Variants in PPP1R12B observed in about 807,000 individuals in gnomAD.
PPP1R12B encodes myosin phosphatase target subunit 2.
A neutral mutation model predicts 126.1 loss-of-function variants in PPP1R12B; 76 were observed. The observed-to-expected ratio is 0.60, with a 90% CI of 0.50 to 0.73. The LOEUF is 0.73. Ranked by LOEUF, PPP1R12B falls within the 30% of genes least tolerant of loss-of-function variation. PPP1R12B has a pLI of 0.00. For synonymous variants in PPP1R12B, 356 were observed against 434.7 expected (o/e 0.82, Z 2.25); for missense variants, 1,052 against 1,205.1 (o/e 0.87, Z 1.88).
intron 23 of PPP1R12B, among the ~76,000 whole-genome samples, chr1:202,574,167 CA>C (rs11320060): frequency 0.61 from 75,281 of 122,472 alleles, 20,358 homozygotes; most frequent in East Asian, 0.74. Flanking sequence ...ACATGCCCCA[CA>C]AAAAAAAAAA....
At chr1:202,408,847 T>C (rs1454948282) in intron 1 of PPP1R12B, among the ~76,000 whole-genome samples, 16 of 145,600 alleles carry the variant, frequency 1.1e-4, no homozygotes, top group South Asian at 4.4e-4. Context: ...TTCTTTCTTT[T>C]TTTTTTTTTT....
At chr1:202,510,551 G>A (rs562801298) in intron 18 of PPP1R12B, among the ~76,000 whole-genome samples, 1 of 152,260 alleles carries the variant, frequency 6.6e-6, no homozygotes, top group African/African-American at 2.4e-5. Context: ...GCACACTAAA[G>A]AAGCTTAGAG....
rs1269845933 is a variant in PPP1R12B at position 202,520,134 on chromosome 1, A to G, written c.2490+23312A>G. On this transcript the variant is annotated intron_variant, in intron 18 of 23. Transcript: ENST00000608999. The stretch of plus-strand genomic sequence containing the variant: ...GGAGGACTCAGCCTACTTATAAAGT[A>G]CCAAACTGTTAAGGTCACAGAAAAT... Among the ~76,000 whole-genome samples, 5 of 152,374 alleles carry G rather than the reference A, an allele frequency of 3.3e-5. No homozygotes were observed. In the East Asian group the frequency reaches 9.6e-4, roughly 29 times the overall value.
At position 202,581,913 on chromosome 1, in the gene PPP1R12B, C is replaced by T. The variant is rs1014400018; in HGVS notation, c.*1353C>T. 3 of 152,178 alleles carry T rather than the reference C, an allele frequency of 2.0e-5. No individual in the cohort carries two copies. Among genetic ancestry groups the T allele is most frequent in the African/African-American group, 7.2e-5 (3 of 41,436 alleles). 9.4% of individuals were successfully genotyped at this position (152,178 alleles called of 1,614,324 possible). A position where few individuals can be genotyped will look rare whatever the true frequency, so the allele number is the denominator to read the frequency against. ...GTCATGGAAGTTTAGAGTGGCAAGA[C>T]CCAGAGGTCATTAGGTCCAGCTTTC... On this transcript the variant is annotated 3_prime_UTR_variant, in exon 24 of 24. Transcript: ENST00000608999.
intron 14 of PPP1R12B, among the ~76,000 whole-genome samples, chr1:202,492,449 G>A (rs1333240793): frequency 6.6e-6 from 1 of 152,174 alleles, no homozygotes; most frequent in East Asian, 1.9e-4. Flanking sequence ...AACTACTTGA[G>A]TTGGAATCAG....
chr1:202,409,692 T>A (rs965936495), intron 1 of PPP1R12B, among the ~76,000 whole-genome samples: 2 of 152,104 alleles, frequency 1.3e-5, no homozygotes, highest in African/African-American at 2.4e-5. Flanking sequence ...TAGAGATGGG[T>A]CTTGTGTGTT....
chr1:202,501,448 A>G (rs935582634), intron 18 of PPP1R12B, among the ~76,000 whole-genome samples: 7 of 152,172 alleles, frequency 4.6e-5, no homozygotes, highest in Non-Finnish European at 8.8e-5. Context: ...TTCCAAGCCA[A>G]TCCTGTTGTA....
At chr1:202,416,697 C>T (rs944342951) in intron 1 of PPP1R12B, 90 bp from the exon 2 acceptor site, 28 of 1,138,176 alleles carry the variant, frequency 2.5e-5, no homozygotes, top group Middle Eastern at 4.0e-4. Flanking sequence ...ATTAGAACTG[C>T]TGGGCATTGT....
intron 3 of PPP1R12B, among the ~76,000 whole-genome samples, chr1:202,424,601 G>T (rs1398678196): frequency 6.6e-6 from 1 of 152,152 alleles, no homozygotes; most frequent in Admixed American, 6.5e-5. Context: ...GGGATTACAG[G>T]CATGAGACAC....
At chr1:202,510,114 A>G (rs1339231720) in intron 18 of PPP1R12B, among the ~76,000 whole-genome samples, 1 of 152,236 alleles carries the variant, frequency 6.6e-6, no homozygotes, top group African/African-American at 2.4e-5. Flanking sequence ...CTCTTAGATC[A>G]CTGGTGACCT....
At chr1:202,528,396 G>A (rs1683579618) in intron 18 of PPP1R12B, among the ~76,000 whole-genome samples, 1 of 152,180 alleles carries the variant, frequency 6.6e-6, no homozygotes, top group Non-Finnish European at 1.5e-5. Flanking sequence ...TCATCATGGA[G>A]CTTAGTTGTT....
intron 18 of PPP1R12B, among the ~76,000 whole-genome samples, chr1:202,520,897 G>A (rs1035979610): frequency 1.3e-5 from 2 of 152,148 alleles, no homozygotes; most frequent in African/African-American, 4.8e-5. Flanking sequence ...CACTATGATG[G>A]CAGGGGATCG....
At chr1:202,375,175 C>G (rs1355899164) in intron 1 of PPP1R12B, among the ~76,000 whole-genome samples, 1 of 152,008 alleles carries the variant, frequency 6.6e-6, no homozygotes, top group Non-Finnish European at 1.5e-5. Flanking sequence ...AACTCCTGAC[C>G]TCAAGTGATC....
chr1:202,449,675 C>T (rs1672693371), intron 13 of PPP1R12B, among the ~76,000 whole-genome samples: 2 of 151,556 alleles, frequency 1.3e-5, no homozygotes, highest in Non-Finnish European at 2.9e-5. Flanking sequence ...ACACTTAACG[C>T]CGTTATGGAT....
intron 13 of PPP1R12B, among the ~76,000 whole-genome samples, chr1:202,449,583 A>T (rs1208732306): frequency 2.0e-5 from 3 of 150,766 alleles, no homozygotes; most frequent in Admixed American, 6.6e-5. Context: ...GCCTGAAAAT[A>T]TATCTTTATA....
intron 14 of PPP1R12B, among the ~76,000 whole-genome samples, chr1:202,490,335 C>A (rs1678692916): frequency 2.6e-5 from 4 of 152,042 alleles, no homozygotes; most frequent in African/African-American, 9.7e-5. Context: ...GCAAAAACAC[C>A]CTTGTTGTCT....
intron 13 of PPP1R12B, among the ~76,000 whole-genome samples, chr1:202,458,762 C>T (rs1290118834): frequency 6.6e-6 from 1 of 152,198 alleles, no homozygotes; most frequent in Non-Finnish European, 1.5e-5. Flanking sequence ...CTGCAGCTTT[C>T]TCTGTAATCA....
In PPP1R12B at chr1:202,495,973, A is replaced by G. The variant is rs183735809; in HGVS notation, c.2448+291A>G. On this transcript the variant is annotated intron_variant, in intron 17 of 23. Coordinates refer to ENST00000608999, the MANE Select transcript of PPP1R12B (RefSeq NM_002481.4). ...AACAGCCATATAAACAAATATAACAAGTGAATAAGCTTGTCGAGTTTTAGT... is the reference window on the plus strand; with the variant it reads ...AACAGCCATATAAACAAATATAACAGGTGAATAAGCTTGTCGAGTTTTAGT... 5.9e-5 allele frequency among the ~76,000 whole-genome samples: 9 copies of G among 152,344 alleles called. No individual in the cohort carries two copies. The East Asian group carries it at 1.5e-3, about 26-fold the overall frequency.
intron 21 of PPP1R12B, 108 bp downstream of exon 21, chr1:202,564,655 C>T (rs1572524955): frequency 1.3e-6 from 1 of 792,292 alleles, no homozygotes; most frequent in East Asian, 2.6e-5. Context: ...AAGATCAGGC[C>T]TTCTCGGGGC....
Sources: allele counts gnomAD v4.1 joint callset (sites outside exome capture counted in the v4.1 genomes callset), GRCh38; gene constraint gnomAD v4.1.1; transcripts MANE v1.5; gene names NCBI Gene and HGNC (gene_info 2026-07-23, HGNC 2026-07-21).